Variants in XKR5 observed in about 807,000 individuals in gnomAD.
The protein encoded by XKR5 is XK related 5.
Under a neutral mutation model 40.8 loss-of-function variants are expected in XKR5, and 46 were observed. That is an observed-to-expected ratio of 1.13 (90% confidence interval 0.89 to 1.44). The LOEUF (loss-of-function observed/expected upper bound fraction) is 1.44, where lower values mean the gene tolerates loss of function less well. XKR5 is among the 40% of genes most tolerant of loss of function. The pLI is 0.00. For synonymous variants in XKR5, 466 were observed against 356.1 expected, an observed-to-expected ratio of 1.31 and a Z score of -3.48; for missense variants, 1,169 against 844.7, an observed-to-expected ratio of 1.38 and a Z score of -4.76.
chr8:6,832,727 C>T lies in XKR5; in HGVS notation c.232G>A (p.Val78Ile), dbSNP rs1463051859. Residue 78 changes from valine to isoleucine, a missense_variant, in exon 2 of 7, where the codon GTT becomes ATT. Coordinates refer to ENST00000618742, the MANE Select transcript of XKR5 (RefSeq NM_207411.5). ...GGCAGCTGTTCTTACCGCTTCCAAA[C>T]ACCAAGCTGTAGGAGGTGCAGCATC... ...LMMLHLLQLG[V>I]WKRHWDAALT... 1 of 1,613,080 alleles carries T rather than the reference C, an allele frequency of 6.2e-7. No individual in the cohort carries two copies. Among genetic ancestry groups the T allele is most frequent in the East Asian group, 2.2e-5 (1 of 44,850 alleles).
At chr8:6,818,517 C>T (rs1804071276) in intron 5 of XKR5, among the ~76,000 whole-genome samples, 1 of 152,224 alleles carries the variant, frequency 6.6e-6, no homozygotes, top group African/African-American at 2.4e-5. Flanking sequence ...AAACCCATAA[C>T]GGGTGAAAGA....
chr8:6,831,742 G>A (rs1262697799), intron 2 of XKR5, among the ~76,000 whole-genome samples: 4 of 152,124 alleles, frequency 2.6e-5, no homozygotes, highest in East Asian at 1.9e-4. Flanking sequence ...GTGGCCAGGT[G>A]CAGTGGCTCA....
intron 5 of XKR5, 40 bp from the exon 6 acceptor site, chr8:6,815,958 G>T (rs765923879): frequency 6.8e-7 from 1 of 1,480,976 alleles, no homozygotes; most frequent in Non-Finnish European, 9.3e-7. Flanking sequence ...CTCGTCAGGT[G>T]CACACTGCCT....
chr8:6,815,197 C>T (rs915344396), intron 6 of XKR5, among the ~76,000 whole-genome samples: 4 of 152,182 alleles, frequency 2.6e-5, no homozygotes, highest in Non-Finnish European at 5.9e-5. Flanking sequence ...GGGGCGGAAT[C>T]CCTGCGGAAC....
At chr8:6,818,652 C>T (rs1240252314) in intron 5 of XKR5, among the ~76,000 whole-genome samples, 3 of 152,232 alleles carry the variant, frequency 2.0e-5, no homozygotes, top group Middle Eastern at 3.2e-3. Flanking sequence ...CTGTGGCTGT[C>T]TCCAGACGTG....
chr8:6,823,825 T>A (rs1804347953), intron 3 of XKR5, 95 bp from the exon 4 acceptor site: 6 of 1,065,676 alleles, frequency 5.6e-6, no homozygotes, highest in Non-Finnish European at 8.3e-6. Flanking sequence ...TAATGGGATG[T>A]GTAACCTCTT....
Position 6,811,954 on chromosome 8 carries a change from T to G in XKR5, c.1305A>C (p.Ala435=). Reference sequence around the variant, plus strand: ...GGTAGTCCTGTTGACTCAACCCCCATGCAGGTGGACAATAGGCAGGACTGT... The same window carrying G: ...GGTAGTCCTGTTGACTCAACCCCCAGGCAGGTGGACAATAGGCAGGACTGT... ...GDNSPAYCPP[A]WGLSQQDYLQ... Residue 435 remains alanine (A), a synonymous_variant, in exon 7 of 7, where the codon GCA becomes GCC. Transcript: ENST00000618742. 6.5e-7 allele frequency: 1 copy of G among 1,537,346 alleles called. No homozygotes were observed. The highest frequency in any genetic ancestry group is 1.4e-5 in the African/African-American group (1 of 73,170).
rs551782774 is a variant in XKR5, at chr8:6,829,712, C to A, written c.242+3005G>T. 2.0e-5 allele frequency among the ~76,000 whole-genome samples: 3 copies of A among 150,500 alleles called. No homozygotes were observed. The East Asian group carries it at 5.9e-4, about 30-fold the overall frequency. ...TCTATTTTTAGTGGAGATGGGGTTT[C>A]GACAGTGTTGGCCAGGCTGGTTTAG... On this transcript the variant is annotated intron_variant, in intron 2 of 6. Coordinates refer to ENST00000618742, the MANE Select transcript of XKR5 (RefSeq NM_207411.5).
intron 1 of XKR5, among the ~76,000 whole-genome samples, 152 bp from the exon 2 acceptor site, chr8:6,833,052 T>C (rs1804844432): frequency 6.6e-6 from 1 of 152,192 alleles, no homozygotes; most frequent in Admixed American, 6.5e-5. Flanking sequence ...CTCCCAAGGC[T>C]AGCAATTATT....
chr8:6,825,082 G>C (rs1804399095), intron 3 of XKR5, 83 bp downstream of exon 3: 2 of 1,531,924 alleles, frequency 1.3e-6, no homozygotes, highest in Admixed American at 3.8e-5. Flanking sequence ...AAATCTCGAA[G>C]GGAGGGTTTT....
rs766039335 is a variant in XKR5 at position 6,823,721 on chromosome 8, G to A, written c.437C>T (p.Thr146Ile). 2.5e-6 allele frequency: 4 copies of A among 1,578,314 alleles called. No individual in the cohort carries two copies. The highest frequency in any genetic ancestry group is 3.4e-6 in the Non-Finnish European group (4 of 1,162,250). Residue 146 changes from threonine (T) to isoleucine (I), a missense_variant, in exon 4 of 7, where the codon ACC (threonine) becomes ATC (isoleucine). Coordinates refer to ENST00000618742, the MANE Select transcript of XKR5 (RefSeq NM_207411.5). ...DFTDIVPGVS[T>I]LFSWSSLSWA... The stretch of plus-strand genomic sequence containing the variant: ...GGAGAGTGAGGACCAGGAAAACAGG[G>A]TGCTCACCCCTGAAAGGGAAGCAGA...
chr8:6,827,053 G>A (rs1043955069), intron 2 of XKR5, among the ~76,000 whole-genome samples: 1 of 152,190 alleles, frequency 6.6e-6, no homozygotes, highest in Non-Finnish European at 1.5e-5. Context: ...TAAGTAGAAA[G>A]TGGCACAGAC....
chr8:6,820,221 G>A (rs990689773), intron 5 of XKR5, among the ~76,000 whole-genome samples: 2 of 152,238 alleles, frequency 1.3e-5, no homozygotes, highest in African/African-American at 2.4e-5. Flanking sequence ...AGGACTGCCC[G>A]GCCTGGATGG....
intron 2 of XKR5, among the ~76,000 whole-genome samples, 164 bp downstream of exon 2, chr8:6,832,553 C>A (rs180851692): frequency 1.3e-5 from 2 of 151,754 alleles, no homozygotes; most frequent in East Asian, 1.9e-4. Context: ...CAGGCTGGAC[C>A]CGGGCATGCC....
At chr8:6,834,941 C>G (rs1157332802) in intron 1 of XKR5, among the ~76,000 whole-genome samples, 1 of 152,216 alleles carries the variant, frequency 6.6e-6, no homozygotes, top group Non-Finnish European at 1.5e-5. Flanking sequence ...CCCTGTCCCC[C>G]TCCCCCCGCC....
intron 2 of XKR5, among the ~76,000 whole-genome samples, chr8:6,828,800 G>A (rs1332044263): frequency 6.6e-6 from 1 of 152,116 alleles, no homozygotes; most frequent in Non-Finnish European, 1.5e-5. Context: ...CCTTCCAACA[G>A]GTCTCCAATG....
chr8:6,810,364 T>C lies in XKR5; in HGVS notation c.*834A>G, dbSNP rs1479776034. 1 of 152,238 alleles carries C rather than the reference T, an allele frequency of 6.6e-6. No individual in the cohort carries two copies. Among genetic ancestry groups the C allele is most frequent in the African/African-American group, 2.4e-5 (1 of 41,432 alleles). The allele number at this position is 152,238 out of a possible 1,614,324, so 9.4% of individuals were successfully genotyped here. A position where few individuals can be genotyped will look rare whatever the true frequency, so the allele number is the denominator to read the frequency against. ...TTTTTGGATGGGCTTAAATCATGGATAGTGTCTCACATTGAATGGAAGTGG... is the reference window on the plus strand; with the variant it reads ...TTTTTGGATGGGCTTAAATCATGGACAGTGTCTCACATTGAATGGAAGTGG... On this transcript the variant is annotated 3_prime_UTR_variant, in exon 7 of 7. Transcript: ENST00000618742.
intron 5 of XKR5, among the ~76,000 whole-genome samples, chr8:6,821,627 T>G (rs1450490474): frequency 6.6e-6 from 1 of 152,190 alleles, no homozygotes; most frequent in Non-Finnish European, 1.5e-5. Flanking sequence ...TCACCAAATA[T>G]GCCTCAGTTG....
intron 6 of XKR5, among the ~76,000 whole-genome samples, chr8:6,813,674 C>A (rs1353176428): frequency 6.6e-6 from 1 of 152,200 alleles, no homozygotes; most frequent in East Asian, 1.9e-4. Context: ...GCAGACAAGG[C>A]TCTGAGCCGG....
Sources: gnomAD v4.1 joint callset for allele counts (sites outside exome capture counted in the v4.1 genomes callset) on GRCh38, gnomAD v4.1.1 for gene constraint, MANE v1.5 for transcripts, NCBI Gene and HGNC (gene_info 2026-07-23, HGNC 2026-07-21) for gene names.